Variants in GTF2A2 observed in about 807,000 individuals in gnomAD.
GTF2A2 encodes transcription initiation factor IIA subunit 2.
GTF2A2 carries 9 observed loss-of-function variants against 14.3 expected under a neutral mutation model. The ratio of observed to expected loss-of-function variants is 0.63; its 90% confidence interval spans 0.38 to 1.10. The LOEUF (loss-of-function observed/expected upper bound fraction) is 1.10. Among genes scored for constraint, GTF2A2 ranks in the 50% least tolerant of loss-of-function variants. The pLI is 0.01. For synonymous variants in GTF2A2, 56 were observed against 46.0 expected (o/e 1.22, Z -0.88); for missense variants, 90 against 124.6 (o/e 0.72, Z 1.32).
intron 4 of GTF2A2, among the ~76,000 whole-genome samples, chr15:59,641,554 AATAAT>A (rs772762357): frequency 2.0e-5 from 3 of 152,114 alleles, no homozygotes; most frequent in South Asian, 2.1e-4. Context: ...GTATATTTAA[AATAAT>A]ATAATTAGCA....
At chr15:59,651,153 A>C in intron 2 of GTF2A2, 1 of 155,090 alleles carries the variant, frequency 6.4e-6, no homozygotes, top group Non-Finnish European at 1.4e-5. Context: ...ATACCAACAA[A>C]TGGAAATACT....
intron 3 of GTF2A2, among the ~76,000 whole-genome samples, chr15:59,648,917 G>A (rs562721017): frequency 6.6e-6 from 1 of 152,144 alleles, no homozygotes; most frequent in South Asian, 2.1e-4. Context: ...CTGGGCGACA[G>A]AGCAAGACTC....
chr15:59,656,562 C>G (rs1348535013), intron 1 of GTF2A2, among the ~76,000 whole-genome samples: 1 of 151,846 alleles, frequency 6.6e-6, no homozygotes, highest in African/African-American at 2.4e-5. Context: ...GCGTCTAGAA[C>G]AGTACCTGGC....
intron 3 of GTF2A2, among the ~76,000 whole-genome samples, chr15:59,649,049 T>C (rs1891709458): frequency 6.6e-6 from 1 of 152,190 alleles, no homozygotes; most frequent in Non-Finnish European, 1.5e-5. Flanking sequence ...AAATTATACA[T>C]AAAAAATATA....
intron 1 of GTF2A2, 90 bp downstream of exon 1, chr15:59,657,316 A>C (rs1891982478): frequency 6.6e-6 from 1 of 152,362 alleles, no homozygotes; most frequent in South Asian, 2.1e-4. Context: ...GCCCTCAGAG[A>C]CTACCCCACC....
chr15:59,641,978 T>G (rs989082256), intron 4 of GTF2A2, among the ~76,000 whole-genome samples, 158 bp downstream of exon 4: 2 of 152,242 alleles, frequency 1.3e-5, no homozygotes, highest in Non-Finnish European at 2.9e-5. Flanking sequence ...GTTTGAGATA[T>G]GTAATCAGAA....
rs1484025690 is a variant in GTF2A2 at position 59,638,614 on chromosome 15, C to G, written c.*518G>C. ...TCTAACTTTTCCTAATCAAGTTGTA[C>G]TTGGGTTTTTTTATACCAATGATTA... On this transcript the variant is annotated 3_prime_UTR_variant, in exon 5 of 5. Coordinates refer to ENST00000396060, the MANE Select transcript of GTF2A2 (RefSeq NM_004492.3). 1 of 152,118 alleles carries G rather than the reference C, an allele frequency of 6.6e-6. No individual in the cohort carries two copies. The highest frequency in any genetic ancestry group is 2.1e-4 in the South Asian group (1 of 4,832). 9.4% of individuals were successfully genotyped at this position (152,118 alleles called of 1,614,324 possible). A position where few individuals can be genotyped will look rare whatever the true frequency, so the allele number is the denominator to read the frequency against.
intron 4 of GTF2A2, among the ~76,000 whole-genome samples, chr15:59,641,738 T>G (rs1891435379): frequency 6.6e-6 from 1 of 152,150 alleles, no homozygotes; most frequent in Non-Finnish European, 1.5e-5. Context: ...TATGGCTAAT[T>G]AAAATCCTGT....
intron 2 of GTF2A2, chr15:59,652,004 A>T (rs11637071): frequency 4.3e-6 from 2 of 469,982 alleles, no homozygotes; most frequent in Admixed American, 3.9e-5. Flanking sequence ...ATATTTAATG[A>T]TATCATTCAA....
intron 3 of GTF2A2, 51 bp downstream of exon 3, chr15:59,650,618 T>G: frequency 1.0e-6 from 1 of 1,003,374 alleles, no homozygotes; most frequent in Non-Finnish European, 1.6e-6. Flanking sequence ...AAAAAATCAG[T>G]GTTTTAACAA....
chr15:59,655,908 C>A (rs980801618), intron 1 of GTF2A2, among the ~76,000 whole-genome samples: 1 of 152,198 alleles, frequency 6.6e-6, no homozygotes, highest in African/African-American at 2.4e-5. Flanking sequence ...CAGAATCCAA[C>A]CACTTCTCAC....
At chr15:59,639,401 A>G (rs966020453) in intron 4 of GTF2A2, among the ~76,000 whole-genome samples, 3 of 151,994 alleles carry the variant, frequency 2.0e-5, no homozygotes, top group Non-Finnish European at 4.4e-5. Flanking sequence ...ACTAAGTTGA[A>G]CTACATTTGG....
chr15:59,650,888 C>T, intron 2 of GTF2A2, 115 bp from the exon 3 acceptor site: 1 of 612,174 alleles, frequency 1.6e-6, no homozygotes, highest in South Asian at 2.1e-5. Context: ...AGCCTCTAAA[C>T]TAGAATTCCT....
At chr15:59,648,491 T>TAATG (rs1266357585) in intron 3 of GTF2A2, among the ~76,000 whole-genome samples, 21 of 150,448 alleles carry the variant, frequency 1.4e-4, no homozygotes. Flanking sequence ...CCCTAAAAAT[T>TAATG]AAGTTCAAGC....
rs1891278252 is a variant in GTF2A2, at chr15:59,638,897, G to C, written c.*235C>G. ...TTTTAAAATGAGTTTATTAAAGAAGGTTCTTAGGAAGGCAACAACTTTTGT... is the reference window on the plus strand; with the variant it reads ...TTTTAAAATGAGTTTATTAAAGAAGCTTCTTAGGAAGGCAACAACTTTTGT... On this transcript the variant is annotated 3_prime_UTR_variant, in exon 5 of 5. Transcript: ENST00000396060. The C allele has an allele frequency of 1.1e-5, 5 of 437,024 alleles. No individual in the cohort carries two copies. The South Asian group carries it at 1.2e-4, about 11-fold the overall frequency. The allele number at this position is 437,024 out of a possible 1,614,324, so 27.1% of individuals were successfully genotyped here. A position where few individuals can be genotyped will look rare whatever the true frequency, so the allele number is the denominator to read the frequency against.
At chr15:59,646,704 G>A (rs549129197) in intron 3 of GTF2A2, among the ~76,000 whole-genome samples, 11 of 152,244 alleles carry the variant, frequency 7.2e-5, no homozygotes, top group African/African-American at 2.6e-4. Flanking sequence ...TTGACTGAAA[G>A]ATATTAAAGT....
chr15:59,646,953 G>A (rs910945480), intron 3 of GTF2A2, among the ~76,000 whole-genome samples: 18 of 150,560 alleles, frequency 1.2e-4, no homozygotes, highest in African/African-American at 3.2e-4. Context: ...AATCCATTTA[G>A]TATCTTAAGT....
At chr15:59,640,503 A>G (rs1345395514) in intron 4 of GTF2A2, among the ~76,000 whole-genome samples, 1 of 152,202 alleles carries the variant, frequency 6.6e-6, no homozygotes, top group Non-Finnish European at 1.5e-5. Context: ...TATGTGGCTA[A>G]ATTCAAATTA....
Position 59,639,704 on chromosome 15 carries a change from C to T in GTF2A2, c.305-547G>A, listed in dbSNP as rs564201996. On this transcript the variant is annotated intron_variant, in intron 4 of 4. Transcript: ENST00000396060. Reference sequence around the variant, plus strand: ...CGATCTCCTGACCTCGTGATCTGCCCGCCTCGGCATCCCAAAGTGCTGGCA... The same window carrying T: ...CGATCTCCTGACCTCGTGATCTGCCTGCCTCGGCATCCCAAAGTGCTGGCA... Among the ~76,000 whole-genome samples, 97 of 151,950 alleles carry T rather than the reference C, an allele frequency of 6.4e-4. 2 individuals carry two copies. The Middle Eastern group carries it at 0.01, about 16-fold the overall frequency.
Sources: allele counts gnomAD v4.1 joint callset (sites outside exome capture counted in the v4.1 genomes callset), GRCh38; gene constraint gnomAD v4.1.1; transcripts MANE v1.5; gene names NCBI Gene and HGNC (gene_info 2026-07-23, HGNC 2026-07-21).